Variants in MIPOL1 observed in about 807,000 individuals in gnomAD.
MIPOL1 encodes mirror-image polydactyly 1, also known as mirror-image polydactyly gene 1 protein.
Under a neutral mutation model 60.9 loss-of-function variants are expected in MIPOL1, and 57 were observed. The observed-to-expected ratio is 0.94, with a 90% CI of 0.76 to 1.17. MIPOL1 has a LOEUF of 1.17. MIPOL1 is among the 50% of genes most tolerant of loss of function. The pLI is 0.00. For synonymous variants in MIPOL1, 179 were observed against 168.8 expected (o/e 1.06, Z -0.47); for missense variants, 551 against 511.6 (o/e 1.08, Z -0.74).
intron 1 of MIPOL1, among the ~76,000 whole-genome samples, chr14:37,235,325 T>G (rs1971296844): frequency 6.6e-6 from 1 of 152,204 alleles, no homozygotes; most frequent in African/African-American, 2.4e-5. Context: ...GAACTAGTAG[T>G]TCACATAGTG....
At chr14:37,339,062 A>G (rs1471690788) in intron 9 of MIPOL1, among the ~76,000 whole-genome samples, 1 of 152,230 alleles carries the variant, frequency 6.6e-6, no homozygotes, top group African/African-American at 2.4e-5. Context: ...CCTGGGAGTA[A>G]ATATTTGTAA....
intron 11 of MIPOL1, among the ~76,000 whole-genome samples, chr14:37,424,570 A>G (rs969653522): frequency 6.6e-6 from 1 of 152,124 alleles, no homozygotes; most frequent in Non-Finnish European, 1.5e-5. Context: ...GTGATATTAA[A>G]TATCTGTTGT....
At chr14:37,369,171 T>C (rs2092567456) in intron 9 of MIPOL1, among the ~76,000 whole-genome samples, 1 of 152,062 alleles carries the variant, frequency 6.6e-6, no homozygotes, top group South Asian at 2.1e-4. Flanking sequence ...ATATGATTTT[T>C]AGAAGCACAG....
chr14:37,549,353 G>GT lies in MIPOL1; in HGVS notation c.*2388dup, dbSNP rs565821213. The GT allele has an allele frequency of 2.6e-5, 4 of 151,664 alleles. No homozygotes were observed. The highest frequency in any genetic ancestry group is 9.7e-5 in the African/African-American group (4 of 41,432). The allele number at this position is 151,664 out of a possible 1,614,324, so 9.4% of individuals were successfully genotyped here. A position where few individuals can be genotyped will look rare whatever the true frequency, so the allele number is the denominator to read the frequency against. ...TGATTTACAAAGTCCTTTTACATCT[G>GT]TTTTTTCATTTGATCCTATCGACAA... On this transcript the variant is annotated 3_prime_UTR_variant, in exon 13 of 13. Transcript: ENST00000684589.
intron 1 of MIPOL1, among the ~76,000 whole-genome samples, chr14:37,229,665 T>A (rs1970314485): frequency 6.6e-6 from 1 of 152,182 alleles, no homozygotes; most frequent in South Asian, 2.1e-4. Flanking sequence ...TCTGTTACGG[T>A]CACTACTGAT....
In MIPOL1 at chr14:37,276,157, A is replaced by G. The variant is rs573529682; in HGVS notation, c.493+5632A>G. 6.6e-5 allele frequency among the ~76,000 whole-genome samples: 10 copies of G among 151,140 alleles called. No homozygotes were observed. The South Asian group carries it at 1.9e-3, about 28-fold the overall frequency. On this transcript the variant is annotated intron_variant, in intron 6 of 12. Transcript: ENST00000684589. ...TTACTGCATTTTAACATGTAATTCA[A>G]TGGTTACATAATTTGCTTAGCTTAC...
chr14:37,308,512 T>G lies in MIPOL1; in HGVS notation c.821T>G (p.Leu274Trp). 2 of 1,575,090 alleles carry G rather than the reference T, an allele frequency of 1.3e-6. No individual in the cohort carries two copies. Among genetic ancestry groups the G allele is most frequent in the Non-Finnish European group, 1.7e-6 (2 of 1,165,038 alleles). Reference protein sequence around the residue: ...SALIEERDAALSKCKRLEQEL... With the variant: ...SALIEERDAAWSKCKRLEQEL... Reference sequence around the variant, plus strand: ...CTAATAGAAGAACGGGATGCTGCCTTGTCTAAGGTAACTCTGCATATATCT... The same window carrying G: ...CTAATAGAAGAACGGGATGCTGCCTGGTCTAAGGTAACTCTGCATATATCT... The change falls in exon 9 of 13, where the codon TTG (leucine) becomes TGG (tryptophan). Residue 274 changes from leucine to tryptophan, a missense_variant. By Grantham distance (61) the Leu-to-Trp change is moderately conservative. Coordinates refer to ENST00000684589, the MANE Select transcript of MIPOL1 (RefSeq NM_001388067.1).
intron 10 of MIPOL1, among the ~76,000 whole-genome samples, chr14:37,399,237 G>A (rs1288752133): frequency 6.6e-6 from 1 of 152,060 alleles, no homozygotes; most frequent in African/African-American, 2.4e-5. Context: ...TGTGACCCAA[G>A]GTAACAGAGC....
chr14:37,518,396 G>A (rs988304132), intron 12 of MIPOL1, among the ~76,000 whole-genome samples: 28 of 152,154 alleles, frequency 1.8e-4, no homozygotes, highest in Admixed American at 9.8e-4. Flanking sequence ...GTGCAGTGGC[G>A]GGATCTCGGC....
chr14:37,200,193 T>A (rs1438812586), intron 1 of MIPOL1, among the ~76,000 whole-genome samples: 3 of 152,226 alleles, frequency 2.0e-5, no homozygotes, highest in Non-Finnish European at 2.9e-5. Flanking sequence ...AACCAAGTAA[T>A]GTGTGAAGCT....
intron 10 of MIPOL1, among the ~76,000 whole-genome samples, chr14:37,394,057 C>CATATATATATATAT (rs56361320): frequency 0.02 from 1,447 of 73,056 alleles, 56 homozygotes; most frequent in Admixed American, 0.049. Flanking sequence ...TTAGTAGTGG[C>CATATATATATATAT]ATATATATAT....
chr14:37,217,838 G>A (rs556258048), intron 1 of MIPOL1, among the ~76,000 whole-genome samples: 1 of 152,248 alleles, frequency 6.6e-6, no homozygotes, highest in South Asian at 2.1e-4. Context: ...ACATGATAAG[G>A]ATGCCCACTT....
At chr14:37,327,366 C>T (rs540263836) in intron 9 of MIPOL1, among the ~76,000 whole-genome samples, 2 of 152,238 alleles carry the variant, frequency 1.3e-5, no homozygotes, top group East Asian at 1.9e-4. Context: ...TGGCCCACTG[C>T]AGCCTCAATC....
intron 9 of MIPOL1, among the ~76,000 whole-genome samples, chr14:37,319,709 T>G (rs1595114715): frequency 6.6e-6 from 1 of 152,156 alleles, no homozygotes; most frequent in African/African-American, 2.4e-5. Flanking sequence ...AAGGATTTGA[T>G]GAATTTTTAT....
intron 11 of MIPOL1, among the ~76,000 whole-genome samples, chr14:37,462,114 G>T (rs1433910866): frequency 6.6e-6 from 1 of 152,186 alleles, no homozygotes; most frequent in Non-Finnish European, 1.5e-5. Flanking sequence ...CTTCTGCCTG[G>T]GCATCCAGGC....
intron 9 of MIPOL1, among the ~76,000 whole-genome samples, chr14:37,358,526 A>G (rs949752470): frequency 1.3e-5 from 2 of 152,164 alleles, no homozygotes; most frequent in Non-Finnish European, 2.9e-5. Flanking sequence ...AATCATTGCC[A>G]TTCTAACTGG....
chr14:37,474,232 G>T (rs148425471), intron 11 of MIPOL1, among the ~76,000 whole-genome samples: 4 of 152,230 alleles, frequency 2.6e-5, no homozygotes, highest in African/African-American at 9.6e-5. Flanking sequence ...AAACATACTT[G>T]TGCAGGTTTT....
chr14:37,447,108 G>A (rs1044262213), intron 11 of MIPOL1, among the ~76,000 whole-genome samples: 6 of 151,658 alleles, frequency 4.0e-5, no homozygotes, highest in African/African-American at 1.5e-4. Flanking sequence ...TAAAAAAAGA[G>A]AATCCTGCAC....
intron 10 of MIPOL1, chr14:37,397,143 T>C (rs2093386898): frequency 6.6e-6 from 1 of 152,172 alleles, no homozygotes; most frequent in African/African-American, 2.4e-5. Context: ...AGACTGTTGT[T>C]CAGATTCTTT....
Sources: gnomAD v4.1 joint callset for allele counts (sites outside exome capture counted in the v4.1 genomes callset) on GRCh38, gnomAD v4.1.1 for gene constraint, MANE v1.5 for transcripts, NCBI Gene and HGNC (gene_info 2026-07-23, HGNC 2026-07-21) for gene names.